XRN2: variants seen among roughly 807,000 people sequenced by gnomAD.
XRN2 encodes 5'-3' exoribonuclease 2, also known as DHM1-like protein.
Under a neutral mutation model 138.5 loss-of-function variants are expected in XRN2, and 44 were observed. That is an observed-to-expected ratio of 0.32 (90% confidence interval 0.25 to 0.41). The LOEUF (loss-of-function observed/expected upper bound fraction) is 0.41. Among genes scored for constraint, XRN2 ranks in the 10% least tolerant of loss-of-function variants. XRN2 has a pLI of 1.00. For missense variants in XRN2, 937 were observed against 1,169.3 expected, an observed-to-expected ratio of 0.80 and a Z score of 2.90; for synonymous variants, 354 against 369.4, an observed-to-expected ratio of 0.96 and a Z score of 0.48.
intron 27 of XRN2, among the ~76,000 whole-genome samples, chr20:21,375,010 C>CTTTTTTTT (rs34212552): frequency 4.5e-5 from 2 of 44,676 alleles, no homozygotes; most frequent in Non-Finnish European, 8.3e-5. Flanking sequence ...TTGGTAAGTT[C>CTTTTTTTT]TTTTTTTTTT....
intron 7 of XRN2, 66 bp downstream of exon 7, chr20:21,331,699 C>T: frequency 6.3e-7 from 1 of 1,591,862 alleles, no homozygotes; most frequent in Non-Finnish European, 8.6e-7. Context: ...ATAGAAAATA[C>T]TTGGTATGAA....
At chr20:21,379,985 C>T (rs987670632) in intron 27 of XRN2, among the ~76,000 whole-genome samples, 1 of 151,994 alleles carries the variant, frequency 6.6e-6, no homozygotes, top group African/African-American at 2.4e-5. Context: ...TGTCTTCATT[C>T]GATTTTAAAT....
intron 15 of XRN2, 51 bp from the exon 16 acceptor site, chr20:21,344,039 T>G (rs756526241): frequency 7.1e-7 from 1 of 1,399,364 alleles, no homozygotes; most frequent in South Asian, 1.2e-5. Context: ...TACCTTCTTA[T>G]GTAAAATGAA....
In XRN2 at chr20:21,326,573, G is replaced by C; in HGVS notation, c.287G>C (p.Arg96Thr). The C allele has an allele frequency of 6.2e-7, 1 of 1,613,938 alleles. No homozygotes were observed. Among genetic ancestry groups the C allele is most frequent in the Non-Finnish European group, 8.5e-7 (1 of 1,179,946 alleles). ...CTTTTCAGTATTGTAAGACCAAGAAGACTTCTCTACATGGCAATAGATGGA... is the reference window on the plus strand; with the variant it reads ...CTTTTCAGTATTGTAAGACCAAGAACACTTCTCTACATGGCAATAGATGGA... ...DRLFSIVRPR[R>T]LLYMAIDGVA... Residue 96 changes from arginine (R) to threonine (T), a missense_variant, in exon 3 of 30, where the codon AGA becomes ACA. Arg to Thr is a moderately conservative substitution (Grantham distance 71). Around this residue, in one of 6 missense-constraint regions of XRN2, gnomAD observed 51 missense variants for 93.5 expected, o/e 0.55. Transcript: ENST00000377191.
chr20:21,379,076 G>C lies in XRN2; in HGVS notation c.2585-2918G>C, dbSNP rs576841076. Among the ~76,000 whole-genome samples the C allele has an allele frequency of 3.3e-5, 5 of 152,282 alleles. No individual in the cohort carries two copies. The East Asian group carries it at 9.6e-4, about 29-fold the overall frequency. On this transcript the variant is annotated intron_variant, in intron 27 of 29. Coordinates refer to ENST00000377191, the MANE Select transcript of XRN2 (RefSeq NM_012255.5). ...TTGACTAGTGCTATCAGTAAACATG[G>C]AATCTTTTCTGTGATTGCCACGCTG...
chr20:21,308,542 T>G lies in XRN2; in HGVS notation c.75+5069T>G, dbSNP rs563254922. On this transcript the variant is annotated intron_variant, in intron 1 of 29. Transcript: ENST00000377191. ...CTTGATATAGTTAGCCCTTTTAGTT[T>G]TAGGTAGTCCAGTGTACTGTTACCT... Among the ~76,000 whole-genome samples, 7 of 152,360 alleles carry G rather than the reference T, an allele frequency of 4.6e-5. No homozygotes were observed. The South Asian group carries it at 1.4e-3, about 32-fold the overall frequency.
intron 27 of XRN2, among the ~76,000 whole-genome samples, chr20:21,376,823 A>G (rs2038827898): frequency 6.6e-6 from 1 of 152,170 alleles, no homozygotes; most frequent in Non-Finnish European, 1.5e-5. Context: ...AAAGAATGTG[A>G]TGAGTGAGTT....
intron 15 of XRN2, among the ~76,000 whole-genome samples, chr20:21,342,485 G>A (rs2038384815): frequency 6.6e-6 from 1 of 152,132 alleles, no homozygotes; most frequent in Non-Finnish European, 1.5e-5. Context: ...TTTCTAGAAA[G>A]TATATTATTA....
At chr20:21,369,199 C>T (rs2038735925) in intron 27 of XRN2, among the ~76,000 whole-genome samples, 1 of 152,194 alleles carries the variant, frequency 6.6e-6, no homozygotes, top group East Asian at 1.9e-4. Flanking sequence ...TTTCATGTAA[C>T]ATAACGACCT....
At chr20:21,351,082 G>A (rs1055018515) in intron 20 of XRN2, among the ~76,000 whole-genome samples, 1 of 151,904 alleles carries the variant, frequency 6.6e-6, no homozygotes, top group Non-Finnish European at 1.5e-5. Flanking sequence ...TTATTAAATC[G>A]TTGTCTGGGT....
intron 1 of XRN2, among the ~76,000 whole-genome samples, chr20:21,305,326 C>T (rs1009827838): frequency 3.9e-5 from 6 of 152,080 alleles, no homozygotes; most frequent in Admixed American, 3.9e-4. Flanking sequence ...GGCATGATCT[C>T]GGCTCACTAC....
At chr20:21,345,922 A>C (rs1306718185) in intron 16 of XRN2, among the ~76,000 whole-genome samples, 3 of 137,014 alleles carry the variant, frequency 2.2e-5, no homozygotes, top group Non-Finnish European at 4.8e-5. Context: ...TAATGTCTAG[A>C]TTATTCTTTT....
chr20:21,320,720 G>A (rs1410846566), intron 1 of XRN2, among the ~76,000 whole-genome samples: 7 of 151,988 alleles, frequency 4.6e-5, no homozygotes, highest in African/African-American at 1.2e-4. Flanking sequence ...TCAGCCTCCC[G>A]AGTAGCTGGG....
At chr20:21,323,586 T>C (rs1317478215) in intron 1 of XRN2, among the ~76,000 whole-genome samples, 2 of 152,202 alleles carry the variant, frequency 1.3e-5, no homozygotes, top group South Asian at 2.1e-4. Flanking sequence ...AGTTACATAA[T>C]AAGTGTGTTG....
At chr20:21,360,457 GTTTTT>G (rs144908830) in intron 24 of XRN2, among the ~76,000 whole-genome samples, 1 of 137,950 alleles carries the variant, frequency 7.2e-6, no homozygotes, top group African/African-American at 2.6e-5. Flanking sequence ...TTGTTAGGTT[GTTTTT>G]TTTTTTTTTC....
Position 21,365,642 on chromosome 20 carries a change from G to C in XRN2, c.2394G>C (p.Gln798His). ...GCAATGGACGGCAGTGGAAGCCTCA[G>C]CTTGGCTTTAACCGTGACCGGAGGC... The part of the protein sequence containing the change: ...KSSNGRQWKP[Q>H]LGFNRDRRPV... Residue 798 changes from glutamine (Q) to histidine (H), a missense_variant, in exon 26 of 30, where the codon CAG (glutamine) becomes CAC (histidine). By Grantham distance (24) the Gln-to-His change is conservative (BLOSUM62 0). Transcript: ENST00000377191. The C allele has an allele frequency of 6.2e-7, 1 of 1,613,290 alleles. No homozygotes were observed. Among genetic ancestry groups the C allele is most frequent in the South Asian group, 1.1e-5 (1 of 91,076 alleles).
chr20:21,346,617 T>C, intron 17 of XRN2, 67 bp downstream of exon 17: 1 of 1,567,918 alleles, frequency 6.4e-7, no homozygotes, highest in Non-Finnish European at 8.7e-7. Context: ...ATTTCTTTTT[T>C]TTTGTTTGTT....
At chr20:21,376,046 G>C (rs2038818954) in intron 27 of XRN2, among the ~76,000 whole-genome samples, 1 of 152,118 alleles carries the variant, frequency 6.6e-6, no homozygotes, top group African/African-American at 2.4e-5. Flanking sequence ...CACCGCGTTA[G>C]CCAGGATGGT....
chr20:21,327,459 A>G (rs2038143855), intron 3 of XRN2, among the ~76,000 whole-genome samples: 1 of 152,218 alleles, frequency 6.6e-6, no homozygotes, highest in Non-Finnish European at 1.5e-5. Context: ...ATCCAAGAAG[A>G]TTAACTTTTC....
Sources: allele counts gnomAD v4.1 joint callset (sites outside exome capture counted in the v4.1 genomes callset), GRCh38; gene constraint gnomAD v4.1.1; regional missense constraint gnomAD v4.1.1; transcripts MANE v1.5; gene names NCBI Gene and HGNC (gene_info 2026-07-23, HGNC 2026-07-21).